AMER1: variants seen among roughly 807,000 people sequenced by gnomAD.
The protein encoded by AMER1 is RP11-403E24.2.
In AMER1, 16 loss-of-function variants were observed where a neutral mutation model predicts 53.0. The ratio of observed to expected loss-of-function variants is 0.30; its 90% CI spans 0.20 to 0.46. AMER1 has a LOEUF of 0.46. AMER1 is among the 20% of genes least tolerant of loss of function. The probability of loss-of-function intolerance (pLI) is 1.00; values close to 1 mark genes in which losing one functional copy is unlikely to be tolerated. For synonymous variants in AMER1, 354 were observed against 331.9 expected (o/e 1.07, Z -0.73); for missense variants, 947 against 884.9 (o/e 1.07, Z -0.89).
rs760083711 is a variant in AMER1, at chrX:64,190,114, G to A, written c.3173C>T (p.Pro1058Leu). The change falls in exon 2 of 2, where the codon CCC (proline) becomes CTC (leucine). Residue 1058 changes from proline (P) to leucine (L), a missense_variant. By Grantham distance (98) the Pro-to-Leu change is moderately conservative. Coordinates refer to ENST00000374869, the MANE Select transcript of AMER1 (RefSeq NM_152424.4). The stretch of plus-strand genomic sequence containing the variant: ...GCCTCCAGAACTGGAAGAGCAACTG[G>A]GCTCATCAACAGGCAGCAGCACATC... ...PRDVLLPVDE[P>L]SCSSSSGGFS... 1 of 1,207,548 alleles carries A rather than the reference G, an allele frequency of 8.3e-7. No homozygotes were observed. The highest frequency in any genetic ancestry group is 2.3e-4 in the Middle Eastern group (1 of 4,348).
intron 1 of AMER1, among the ~76,000 whole-genome samples, chrX:64,202,664 A>C (rs924655028): frequency 9.0e-6 from 1 of 111,412 alleles, no homozygotes; most frequent in African/African-American, 3.3e-5. Context: ...TGACATAGTA[A>C]AACTTTCCTT....
Position 64,191,128 on chromosome X carries a change from T to C in AMER1, c.2159A>G (p.Gln720Arg), listed in dbSNP as rs1930235185. Reference sequence around the variant, plus strand: ...AAACATGGCATCACTCTGGAAGAGCTGCATCAGGCAGGTACTTTGATCTTT... The same window carrying C: ...AAACATGGCATCACTCTGGAAGAGCCGCATCAGGCAGGTACTTTGATCTTT... ...SKKDQSTCLM[Q>R]LFQSDAMFEP... Residue 720 changes from glutamine (Q) to arginine (R), a missense_variant, in exon 2 of 2, where the codon CAG becomes CGG. By Grantham distance (43) the Gln-to-Arg change is conservative (BLOSUM62 1). Transcript: ENST00000374869. 1 of 1,212,359 alleles carries C rather than the reference T, an allele frequency of 8.2e-7. No individual in the cohort carries two copies. Among genetic ancestry groups the C allele is most frequent in the Non-Finnish European group, 1.1e-6 (1 of 895,671 alleles).
rs2147088265 is a variant in AMER1, at chrX:64,191,822, G to A, written c.1465C>T (p.Leu489Phe). 1 of 1,211,740 alleles carries A rather than the reference G, an allele frequency of 8.3e-7. No individual in the cohort carries two copies. The highest frequency in any genetic ancestry group is 1.1e-6 in the Non-Finnish European group (1 of 895,503). Residue 489 changes from leucine to phenylalanine, a missense_variant, in exon 2 of 2, where the codon CTT (leucine) becomes TTT (phenylalanine). By Grantham distance (22) the Leu-to-Phe change is conservative. Transcript: ENST00000374869. ...FEDDSGEALG[L>F]VRRDCLPRDS... is the part of the protein sequence containing the mutation. ...CGGGGTAGACAATCCCTGCGGACAA[G>A]CCCCAGGGCCTCACCTGAATCATCC...
intron 1 of AMER1, among the ~76,000 whole-genome samples, chrX:64,204,229 A>G (rs1400174129): frequency 1.8e-5 from 2 of 113,428 alleles, no homozygotes; most frequent in Non-Finnish European, 3.7e-5. Flanking sequence ...GCAGTCCAAC[A>G]GTGCAGTGCC....
chrX:64,185,651 C>T lies in AMER1; in HGVS notation c.*4228G>A, dbSNP rs989938215. On this transcript the variant is annotated 3_prime_UTR_variant, in exon 2 of 2. Transcript: ENST00000374869. The stretch of plus-strand genomic sequence containing the variant: ...TCACTGTTCCCCAAAGTACCATCCA[C>T]GTGTGAGCTGGAGCAGGGCAGGGGA... The T allele has an allele frequency of 8.0e-5, 14 of 175,019 alleles. No individual in the cohort carries two copies. The highest frequency in any genetic ancestry group is 1.5e-4 in the Admixed American group (2 of 13,511). 14.4% of individuals were successfully genotyped at this position (175,019 alleles called of 1,213,427 possible). A position where few individuals can be genotyped will look rare whatever the true frequency, so the allele number is the denominator to read the frequency against.
rs2147090583 is a variant in AMER1, at chrX:64,192,865, G to C, written c.422C>G (p.Ser141Cys). The change falls in exon 2 of 2, where the codon TCC becomes TGC. Residue 141 changes from serine (S) to cysteine (C), a missense_variant. By Grantham distance (112) the Ser-to-Cys change is moderately radical. Coordinates refer to ENST00000374869, the MANE Select transcript of AMER1 (RefSeq NM_152424.4). Reference protein sequence around the residue: ...QSAHGALETGSRCKTSVAGAT... With the variant: ...QSAHGALETGCRCKTSVAGAT... ...TCCAGCCACAGATGTCTTACATCTG[G>C]AGCCTGTCTCCAAAGCCCCATGGGC... 1 of 1,212,015 alleles carries C rather than the reference G, an allele frequency of 8.3e-7. No homozygotes were observed. The highest frequency in any genetic ancestry group is 1.1e-6 in the Non-Finnish European group (1 of 895,571).
At chrX:64,202,574 T>C (rs575178432) in intron 1 of AMER1, among the ~76,000 whole-genome samples, 1 of 111,592 alleles carries the variant, frequency 9.0e-6, no homozygotes, top group East Asian at 2.8e-4. Flanking sequence ...AGGAAGGTGT[T>C]CAGCAGAGGC....
At chrX:64,193,850 T>C (rs1242618070) in intron 1 of AMER1, among the ~76,000 whole-genome samples, 3 of 112,409 alleles carry the variant, frequency 2.7e-5, no homozygotes, top group African/African-American at 9.7e-5. Flanking sequence ...CACAGGGCTC[T>C]GTTGGATTCA....
At chrX:64,203,756 T>A (rs1458686227) in intron 1 of AMER1, among the ~76,000 whole-genome samples, 1 of 110,777 alleles carries the variant, frequency 9.0e-6, no homozygotes, top group East Asian at 2.9e-4. Context: ...GGAAGGGAGT[T>A]ACATAGAGCA....
rs1176557852 is a variant in AMER1 at position 64,192,784 on chromosome X, C to G, written c.503G>C (p.Gly168Ala). 3 of 1,209,264 alleles carry G rather than the reference C, an allele frequency of 2.5e-6. No individual in the cohort carries two copies. In the Admixed American group the frequency reaches 6.6e-5, roughly 26 times the overall value. Residue 168 changes from glycine to alanine, a missense_variant, in exon 2 of 2, where the codon GGC becomes GCC. Gly to Ala is a moderately conservative substitution (Grantham distance 60, BLOSUM62 0). Transcript: ENST00000374869. ...KFPSMPKPKK[G>A]LKGFFSSIRR... Reference sequence around the variant, plus strand: ...GATACTGCTAAAAAAGCCTTTTAGGCCTTTCTTTGGCTTGGGCATAGAGGG... The same window carrying G: ...GATACTGCTAAAAAAGCCTTTTAGGGCTTTCTTTGGCTTGGGCATAGAGGG...
At position 64,185,911 on chromosome X, in the gene AMER1, G is replaced by T; in HGVS notation, c.*3968C>A. 1 of 375,285 alleles carries T rather than the reference G, an allele frequency of 2.7e-6. No homozygotes were observed. 30.9% of individuals were successfully genotyped at this position (375,285 alleles called of 1,213,427 possible). A position where few individuals can be genotyped will look rare whatever the true frequency, so the allele number is the denominator to read the frequency against. On this transcript the variant is annotated 3_prime_UTR_variant, in exon 2 of 2. Coordinates refer to ENST00000374869, the MANE Select transcript of AMER1 (RefSeq NM_152424.4). ...TTGAAACCCCCTTCCTTCCCCATTG[G>T]GTGGAGAATGTTCCCAAAATGCTCC...
Position 64,185,622 on chromosome X carries a change from A to G in AMER1, c.*4257T>C. On this transcript the variant is annotated 3_prime_UTR_variant, in exon 2 of 2. Coordinates refer to ENST00000374869, the MANE Select transcript of AMER1 (RefSeq NM_152424.4). ...ATCAGGCCAGCAAGCCATCACCCTG[A>G]AAGTCACTGTTCCCCAAAGTACCAT... 1 of 175,385 alleles carries G rather than the reference A, an allele frequency of 5.7e-6. No homozygotes were observed. Among genetic ancestry groups the G allele is most frequent in the Admixed American group, 7.4e-5 (1 of 13,474 alleles). 14.5% of individuals were successfully genotyped at this position (175,385 alleles called of 1,213,427 possible).
rs2147087426 is a variant in AMER1 at position 64,191,499 on chromosome X, C to A, written c.1788G>T (p.Arg596Ser). 1 of 1,211,997 alleles carries A rather than the reference C, an allele frequency of 8.3e-7. No individual in the cohort carries two copies. The highest frequency in any genetic ancestry group is 1.1e-6 in the Non-Finnish European group (1 of 895,505). The stretch of plus-strand genomic sequence containing the variant: ...CATAAGCCTCTCGAGTATAGGCCTC[C>A]CTGGCGTGGGCCTCCCTGGCATGAG... ...REAHAREAHA[R>S]EAYTREAYGR... The change falls in exon 2 of 2, where the codon AGG becomes AGT. Residue 596 changes from arginine (R) to serine (S), a missense_variant. Transcript: ENST00000374869.
At chrX:64,204,920 C>T (rs1403038809) in intron 1 of AMER1, among the ~76,000 whole-genome samples, 1 of 113,287 alleles carries the variant, frequency 8.8e-6, no homozygotes, top group African/African-American at 3.2e-5. Context: ...GTTGGGGCCA[C>T]AAGGCCAAGG....
At chrX:64,193,534 C>G (rs779193538) in intron 1 of AMER1, 150 bp from the exon 2 acceptor site, 38 of 446,199 alleles carry the variant, frequency 8.5e-5, no homozygotes, top group Non-Finnish European at 1.3e-4. Flanking sequence ...ACTCGATATG[C>G]TTGGCTTGCT....
rs2147087071 is a variant in AMER1 at position 64,191,334 on chromosome X, G to A, written c.1953C>T (p.Val651=). ...CTAAGGGCCTCATCTGATACTCTAA[G>A]ACGGGCTTCTCCTGCCGGGCCTGGG... is the stretch of plus-strand genomic sequence containing the variant. ...RETQARQEKP[V]LEYQMRPLGP... The change falls in exon 2 of 2, where the codon GTC becomes GTT. Residue 651 remains valine, a synonymous_variant. Coordinates refer to ENST00000374869, the MANE Select transcript of AMER1 (RefSeq NM_152424.4). The A allele has an allele frequency of 8.3e-7, 1 of 1,211,645 alleles. No individual in the cohort carries two copies. Among genetic ancestry groups the A allele is most frequent in the Non-Finnish European group, 1.1e-6 (1 of 895,483 alleles).
At position 64,186,558 on chromosome X, in the gene AMER1, T is replaced by C. The variant is rs951335231; in HGVS notation, c.*3321A>G. 3.9e-6 allele frequency: 3 copies of C among 778,607 alleles called. No individual in the cohort carries two copies. The highest frequency in any genetic ancestry group is 4.6e-6 in the Non-Finnish European group (3 of 653,996). The allele number at this position is 778,607 out of a possible 1,213,427, so 64.2% of individuals were successfully genotyped here. A position where few individuals can be genotyped will look rare whatever the true frequency, so the allele number is the denominator to read the frequency against. On this transcript the variant is annotated 3_prime_UTR_variant, in exon 2 of 2. Coordinates refer to ENST00000374869, the MANE Select transcript of AMER1 (RefSeq NM_152424.4). ...TGGGGGCTGAGGGCAGGTGGGGTGG[T>C]GGCACTGGCACAGGTAAGGAAAGCT... is the stretch of plus-strand genomic sequence containing the variant.
At chrX:64,196,671 T>G (rs1286464902) in intron 1 of AMER1, among the ~76,000 whole-genome samples, 2 of 112,135 alleles carry the variant, frequency 1.8e-5, no homozygotes, top group Non-Finnish European at 3.8e-5. Context: ...CTGTGTGTTG[T>G]GGGAGACAGA....
chrX:64,192,458 C>T lies in AMER1; in HGVS notation c.829G>A (p.Glu277Lys), dbSNP rs777543770. Residue 277 changes from glutamate to lysine, a missense_variant, in exon 2 of 2, where the codon GAA becomes AAA. By Grantham distance (56) the Glu-to-Lys change is moderately conservative (BLOSUM62 1). Coordinates refer to ENST00000374869, the MANE Select transcript of AMER1 (RefSeq NM_152424.4). ...TGGGGCTCCTCTAGGCTACTGGCTTCAGGGGCAGGCTTGGGTTGCACATGT... is the reference window on the plus strand; with the variant it reads ...TGGGGCTCCTCTAGGCTACTGGCTTTAGGGGCAGGCTTGGGTTGCACATGT... The part of the protein sequence containing the change: ...SAHVQPKPAP[E>K]ASSLEEPHSP... 14 of 1,203,785 alleles carry T rather than the reference C, an allele frequency of 1.2e-5. No homozygotes were observed. In the Admixed American group the frequency reaches 2.0e-4, roughly 17 times the overall value.
Sources: allele counts gnomAD v4.1 joint callset (sites outside exome capture counted in the v4.1 genomes callset), GRCh38; gene constraint gnomAD v4.1.1; transcripts MANE v1.5; gene names NCBI Gene and HGNC (gene_info 2026-07-23, HGNC 2026-07-21).